The following OPA1 variants were observed in gnomAD, a reference collection of about 807,000 sequenced individuals.
OPA1 encodes OPA1 mitochondrial dynamin like GTPase, also known as dynamin-like GTPase OPA1, mitochondrial.
In OPA1, 59 loss-of-function variants were observed where a neutral mutation model predicts 152.9. The ratio of observed to expected loss-of-function variants is 0.39; its 90% CI spans 0.31 to 0.48. The LOEUF (loss-of-function observed/expected upper bound fraction) is 0.48. Ranked by LOEUF, OPA1 falls within the 20% of genes least tolerant of loss-of-function variation. OPA1 has a pLI of 0.96. For synonymous variants in OPA1, 400 were observed against 389.9 expected (o/e 1.03, Z -0.31); for missense variants, 1,008 against 1,216.8 (o/e 0.83, Z 2.55).
chr3:193,658,792 A>G, intron 23 of OPA1, 95 bp from the exon 24 acceptor site: 1 of 843,080 alleles, frequency 1.2e-6, no homozygotes, highest in Non-Finnish European at 2.0e-6. Context: ...ATACATGGTT[A>G]TTTTTCCATA....
chr3:193,672,881 A>C (rs961497541), intron 29 of OPA1, among the ~76,000 whole-genome samples: 3 of 152,002 alleles, frequency 2.0e-5, no homozygotes, highest in Non-Finnish European at 4.4e-5. Flanking sequence ...AAAAAAAAAA[A>C]AAACGAAAAA....
intron 29 of OPA1, chr3:193,669,052 G>GA (rs1387429207): frequency 5.1e-6 from 1 of 195,620 alleles, no homozygotes; most frequent in Non-Finnish European, 9.5e-6. Context: ...TATCTAAAAG[G>GA]AAAAAAAGCA....
intron 7 of OPA1, among the ~76,000 whole-genome samples, chr3:193,629,655 C>T (rs776064176): frequency 2.0e-5 from 3 of 151,206 alleles, no homozygotes; most frequent in African/African-American, 4.9e-5. Flanking sequence ...TGGGCGACTC[C>T]GTCTCAAAAA....
intron 6 of OPA1, among the ~76,000 whole-genome samples, chr3:193,621,214 A>G (rs1274719679): frequency 6.6e-6 from 1 of 152,266 alleles, no homozygotes; most frequent in Admixed American, 6.5e-5. Flanking sequence ...CTACAACTAG[A>G]ACTAAAGAAA....
rs746847531 is a variant in OPA1 at position 193,642,718 on chromosome 3, A to G, written c.1150-47A>G. 6.6e-6 allele frequency: 9 copies of G among 1,359,128 alleles called. No individual in the cohort carries two copies. The East Asian group carries it at 1.8e-4, about 28-fold the overall frequency. The allele number at this position is 1,359,128 out of a possible 1,614,324, so 84.2% of individuals were successfully genotyped here. On this transcript the variant is annotated intron_variant, in intron 11 of 30. Transcript: ENST00000361510. ...CCACATACGGGCTGTGGGAATTAAT[A>G]TTACTTATAAATACATCATTACCTC...
intron 8 of OPA1, among the ~76,000 whole-genome samples, chr3:193,634,141 TCTG>T (rs1014027445): frequency 1.5e-4 from 23 of 152,084 alleles, no homozygotes; most frequent in African/African-American, 4.8e-4. Flanking sequence ...ACATAAACAT[TCTG>T]CTGGTTGTAA....
At chr3:193,684,008 G>C in intron 29 of OPA1, among the ~76,000 whole-genome samples, 1 of 152,140 alleles carries the variant, frequency 6.6e-6, no homozygotes, top group African/African-American at 2.4e-5. Context: ...AAAATGGAAA[G>C]CAGAGGTCAT....
chr3:193,648,674 T>A (rs1711637060), intron 20 of OPA1, 121 bp from the exon 21 acceptor site: 2 of 703,292 alleles, frequency 2.8e-6, no homozygotes, highest in Non-Finnish European at 5.2e-6. Flanking sequence ...TTGCTAGTCA[T>A]GTATAATTAA....
rs1714055995 is a variant in OPA1, at chr3:193,657,174, C to T, written c.2273C>T (p.Ala758Val). The change falls in exon 23 of 31, where the codon GCT (alanine) becomes GTT (valine). Residue 758 changes from alanine (A) to valine (V), a missense_variant. Transcript: ENST00000361510. The stretch of plus-strand genomic sequence containing the variant: ...GACATATTTGATAAACTTAAAGAGG[C>T]TGTTAAGGAAGAAAGTATTAAACGA... ...HDDIFDKLKE[A>V]VKEESIKRHK... 6.2e-7 allele frequency: 1 copy of T among 1,613,770 alleles called. No individual in the cohort carries two copies. The highest frequency in any genetic ancestry group is 8.5e-7 in the Non-Finnish European group (1 of 1,179,830).
chr3:193,626,088 G>A lies in OPA1; in HGVS notation c.679-4G>A, dbSNP rs757018661. ...CTCTTCTCCTCATTGTGAACTCGTG[G>A]CAGGGTCTGCTTGGTGAGCTCATTC... On this transcript the variant is annotated splice_region_variant and splice_polypyrimidine_tract_variant and intron_variant, in intron 6 of 30. Coordinates refer to ENST00000361510, the MANE Select transcript of OPA1 (RefSeq NM_130837.3). The A allele has an allele frequency of 5.0e-6, 8 of 1,610,922 alleles. No homozygotes were observed. The South Asian group carries it at 6.6e-5, about 13-fold the overall frequency.
At chr3:193,625,776 TAA>T (rs35044042) in intron 6 of OPA1, among the ~76,000 whole-genome samples, 4 of 142,762 alleles carry the variant, frequency 2.8e-5, no homozygotes, top group African/African-American at 5.1e-5. Flanking sequence ...TCAACACTGT[TAA>T]AAAAAAAAAA....
chr3:193,635,600 A>T, intron 9 of OPA1, 78 bp downstream of exon 9: 1 of 838,852 alleles, frequency 1.2e-6, no homozygotes, highest in Admixed American at 1.7e-5. Flanking sequence ...GTTTCTAAGG[A>T]GCTGTAAAGT....
At position 193,647,059 on chromosome 3, in the gene OPA1, TAA is replaced by T; in HGVS notation, c.1755-5_1755-4del. Reference sequence around the variant, plus strand: ...TACTTTAGCTCTTGTTATTTTTTTTTAATAGGACAAGCATGCTAAAGGCACAC... The same window carrying T: ...TACTTTAGCTCTTGTTATTTTTTTTTTAGGACAAGCATGCTAAAGGCACAC... On this transcript the variant is annotated splice_region_variant and splice_polypyrimidine_tract_variant and intron_variant, in intron 18 of 30. Transcript: ENST00000361510. 1 of 1,584,842 alleles carries T rather than the reference TAA, an allele frequency of 6.3e-7. No homozygotes were observed. Among genetic ancestry groups the T allele is most frequent in the Non-Finnish European group, 8.6e-7 (1 of 1,156,550 alleles).
chr3:193,642,516 G>A lies in OPA1; in HGVS notation c.1150-249G>A, dbSNP rs370730871. ...GGCAGCAGCATTTTAGGTCATAAGCGATATAAAGGAACCAGCATTCTTGTT... is the reference window on the plus strand; with the variant it reads ...GGCAGCAGCATTTTAGGTCATAAGCAATATAAAGGAACCAGCATTCTTGTT... On this transcript the variant is annotated intron_variant, in intron 11 of 30. Coordinates refer to ENST00000361510, the MANE Select transcript of OPA1 (RefSeq NM_130837.3). Among the ~76,000 whole-genome samples the A allele has an allele frequency of 1.7e-4, 26 of 152,280 alleles. No individual in the cohort carries two copies. The South Asian group carries it at 5.4e-3, about 32-fold the overall frequency.
chr3:193,652,180 A>G (rs1305018338), intron 21 of OPA1, among the ~76,000 whole-genome samples: 1 of 152,112 alleles, frequency 6.6e-6, no homozygotes, highest in Non-Finnish European at 1.5e-5. Context: ...CAGGAATTCA[A>G]GACCAACCTG....
At chr3:193,650,194 T>C (rs1000819751) in intron 21 of OPA1, among the ~76,000 whole-genome samples, 1 of 152,158 alleles carries the variant, frequency 6.6e-6, no homozygotes, top group Non-Finnish European at 1.5e-5. Context: ...CAAAGGTAAC[T>C]GAAGAGAATT....
intron 6 of OPA1, among the ~76,000 whole-genome samples, chr3:193,620,128 C>G (rs1360935923): frequency 2.0e-5 from 3 of 152,086 alleles, no homozygotes; most frequent in Non-Finnish European, 2.9e-5. Context: ...TGAGTGAAGG[C>G]CTTAGCCCTT....
At chr3:193,626,874 G>T (rs1448548696) in intron 7 of OPA1, among the ~76,000 whole-genome samples, 1 of 152,124 alleles carries the variant, frequency 6.6e-6, no homozygotes, top group Non-Finnish European at 1.5e-5. Flanking sequence ...CCAATATGTG[G>T]CTGTTGGTGC....
intron 29 of OPA1, among the ~76,000 whole-genome samples, chr3:193,673,851 A>G (rs996781160): frequency 2.0e-5 from 3 of 152,266 alleles, no homozygotes; most frequent in African/African-American, 7.2e-5. Flanking sequence ...GTACAGGCCT[A>G]TTTTAATGGT....
Sources: allele counts gnomAD v4.1 joint callset (sites outside exome capture counted in the v4.1 genomes callset), GRCh38; gene constraint gnomAD v4.1.1; transcripts MANE v1.5; gene names NCBI Gene and HGNC (gene_info 2026-07-23, HGNC 2026-07-21).